DNAH14: variants seen among roughly 807,000 people sequenced by gnomAD.
DNAH14 encodes dynein axonemal heavy chain 14, also known as axonemal beta dynein heavy chain 14.
DNAH14 carries 478 observed loss-of-function variants against 520.9 expected under a neutral mutation model. That is an observed-to-expected ratio of 0.92 (90% CI 0.85 to 0.99). The LOEUF (loss-of-function observed/expected upper bound fraction) is 0.99, where lower values mean the gene tolerates loss of function less well. Ranked by LOEUF, DNAH14 falls within the 50% of genes least tolerant of loss-of-function variation. The probability of loss-of-function intolerance (pLI) is 0.00; values close to 1 mark genes in which losing one functional copy is unlikely to be tolerated. For missense variants in DNAH14, 4,831 were observed against 5,234.5 expected, an observed-to-expected ratio of 0.92 and a Z score of 2.38; for synonymous variants, 1,581 against 1,757.2, an observed-to-expected ratio of 0.90 and a Z score of 2.51.
chr1:225,238,626 T>C (rs951683395), intron 42 of DNAH14, among the ~76,000 whole-genome samples: 2 of 152,180 alleles, frequency 1.3e-5, no homozygotes, highest in Non-Finnish European at 2.9e-5. Flanking sequence ...AGAAGCAGTC[T>C]GGCTGCTTCT....
At chr1:225,372,430 A>G (rs2095629914) in intron 77 of DNAH14, among the ~76,000 whole-genome samples, 2 of 152,214 alleles carry the variant, frequency 1.3e-5, no homozygotes, top group Admixed American at 1.3e-4. Flanking sequence ...CTAAGTTTTT[A>G]TGAGATTTTA....
intron 69 of DNAH14, among the ~76,000 whole-genome samples, chr1:225,341,357 C>T (rs2095176211): frequency 6.6e-6 from 1 of 152,200 alleles, no homozygotes. Flanking sequence ...CACGGTGGCT[C>T]ACGCCTGTAA....
At chr1:225,104,444 T>A (rs1442049629) in intron 23 of DNAH14, among the ~76,000 whole-genome samples, 1 of 152,156 alleles carries the variant, frequency 6.6e-6, no homozygotes, top group African/African-American at 2.4e-5. Flanking sequence ...TGTTTGGAAT[T>A]GTTTCAGAAG....
intron 68 of DNAH14, among the ~76,000 whole-genome samples, chr1:225,339,141 CA>C (rs5781399): frequency 0.34 from 44,580 of 129,928 alleles, 7,454 homozygotes; most frequent in East Asian, 0.47. Flanking sequence ...CAATGAAATA[CA>C]AAAAAAAAAA....
intron 41 of DNAH14, among the ~76,000 whole-genome samples, chr1:225,214,155 A>G (rs369793222): frequency 1.3e-5 from 2 of 152,134 alleles, no homozygotes; most frequent in African/African-American, 4.8e-5. Context: ...TTCTGTATCT[A>G]TTGAGATAAT....
intron 27 of DNAH14, among the ~76,000 whole-genome samples, chr1:225,128,534 T>A (rs572117668): frequency 4.6e-5 from 7 of 151,942 alleles, no homozygotes; most frequent in Non-Finnish European, 1.0e-4. Context: ...ATAAATGTAA[T>A]CCAGCATATA....
intron 35 of DNAH14, among the ~76,000 whole-genome samples, chr1:225,160,538 G>A (rs2081413694): frequency 6.6e-6 from 1 of 151,880 alleles, no homozygotes; most frequent in South Asian, 2.1e-4. Flanking sequence ...AGTTATGAGA[G>A]GATGGCTCTT....
At chr1:224,980,938 A>T (rs1381149001) in intron 8 of DNAH14, among the ~76,000 whole-genome samples, 3 of 152,240 alleles carry the variant, frequency 2.0e-5, no homozygotes, top group African/African-American at 7.2e-5. Flanking sequence ...GTGTATACCT[A>T]TGTAACAAAC....
intron 17 of DNAH14, among the ~76,000 whole-genome samples, chr1:225,065,941 A>T (rs1451171444): frequency 6.6e-6 from 1 of 152,054 alleles, no homozygotes; most frequent in Non-Finnish European, 1.5e-5. Flanking sequence ...ACCTCCATAC[A>T]GTTTTCCAAA....
At chr1:225,228,095 C>A (rs2090725050) in intron 41 of DNAH14, among the ~76,000 whole-genome samples, 1 of 152,280 alleles carries the variant, frequency 6.6e-6, no homozygotes, top group African/African-American at 2.4e-5. Flanking sequence ...TTAGAATGTG[C>A]CCTGTCCTAG....
chr1:225,258,007 AAGATAAC>A lies in DNAH14; in HGVS notation c.6917_6923del (p.Ile2306AsnfsTer21), dbSNP rs1422543807. ...TCAAAGATCTGGCGGAAACTTCTTG[AAGATAAC>A]AGAATGTGGAGAATGCATTAATTAT... On this transcript the variant is annotated frameshift_variant, in exon 45 of 86. Transcript: ENST00000682510. LOFTEE classifies it high-confidence loss of function. 4 of 1,549,626 alleles carry A rather than the reference AAGATAAC, an allele frequency of 2.6e-6. No homozygotes were observed. Among genetic ancestry groups the A allele is most frequent in the Non-Finnish European group, 3.5e-6 (4 of 1,146,412 alleles).
intron 8 of DNAH14, among the ~76,000 whole-genome samples, chr1:224,974,743 T>C (rs2061702642): frequency 6.6e-6 from 1 of 152,164 alleles, no homozygotes; most frequent in South Asian, 2.1e-4. Flanking sequence ...TACTCTCTCC[T>C]TGACCTTTGG....
chr1:225,098,273 A>T (rs1353910117), intron 22 of DNAH14, among the ~76,000 whole-genome samples: 1 of 21,356 alleles, frequency 4.7e-5, no homozygotes, highest in Non-Finnish European at 7.0e-5. Context: ...GGCAGTTGTT[A>T]AAAAATTCTA....
At chr1:225,208,017 C>T (rs1433598073) in intron 41 of DNAH14, among the ~76,000 whole-genome samples, 1 of 152,148 alleles carries the variant, frequency 6.6e-6, no homozygotes, top group Admixed American at 6.6e-5. Flanking sequence ...GCAGGGAAGC[C>T]TAACTGGGTT....
At chr1:224,942,182 A>G (rs1029572439) in intron 1 of DNAH14, among the ~76,000 whole-genome samples, 2 of 151,930 alleles carry the variant, frequency 1.3e-5, no homozygotes, top group East Asian at 1.9e-4. Context: ...CTTTTATTTC[A>G]TTGAGCAGTG....
chr1:225,360,565 C>A, intron 74 of DNAH14, 116 bp from the exon 75 acceptor site: 1 of 1,010,730 alleles, frequency 9.9e-7, no homozygotes, highest in Non-Finnish European at 1.4e-6. Context: ...AACCTGTAGT[C>A]TTTCCGCTAT....
At chr1:225,085,252 A>G (rs2148614386) in intron 20 of DNAH14, among the ~76,000 whole-genome samples, 1 of 152,078 alleles carries the variant, frequency 6.6e-6, no homozygotes, top group South Asian at 2.1e-4. Context: ...AGGAAATAAT[A>G]CCATCTACAC....
chr1:225,086,063 G>T (rs1336980169), intron 21 of DNAH14, among the ~76,000 whole-genome samples: 2 of 151,656 alleles, frequency 1.3e-5, no homozygotes, highest in African/African-American at 4.8e-5. Flanking sequence ...TATCACCAGT[G>T]TACAGTGTTC....
chr1:224,941,549 T>C (rs574942009), intron 1 of DNAH14, among the ~76,000 whole-genome samples: 25 of 152,360 alleles, frequency 1.6e-4, no homozygotes, highest in Non-Finnish European at 2.4e-4. Flanking sequence ...CAATTTTGGC[T>C]TTTGTTGCCA....
Sources: allele counts gnomAD v4.1 joint callset (sites outside exome capture counted in the v4.1 genomes callset), GRCh38; gene constraint gnomAD v4.1.1; transcripts MANE v1.5; gene names NCBI Gene and HGNC (gene_info 2026-07-23, HGNC 2026-07-21).